Variants in TLCD4 observed in about 807,000 individuals in gnomAD.
TLCD4 encodes TLC domain containing 4.
TLCD4 carries 7 observed loss-of-function variants against 24.2 expected under a neutral mutation model. That is an observed-to-expected ratio of 0.29 (90% CI 0.16 to 0.54). The LOEUF (loss-of-function observed/expected upper bound fraction) is 0.54, where lower values mean the gene tolerates loss of function less well. Among genes scored for constraint, TLCD4 ranks in the 20% least tolerant of loss-of-function variants. The pLI is 0.95. For missense variants in TLCD4, 259 were observed against 313.9 expected, an observed-to-expected ratio of 0.82 and a Z score of 1.32; for synonymous variants, 103 against 106.4, an observed-to-expected ratio of 0.97 and a Z score of 0.20.
At chr1:95,133,665 A>T (rs1676963799) in intron 1 of TLCD4, among the ~76,000 whole-genome samples, 1 of 151,986 alleles carries the variant, frequency 6.6e-6, no homozygotes, top group African/African-American at 2.4e-5. Context: ...TTTTGAAAAG[A>T]ATAGGGACAA....
the TLCD4 span, among the ~76,000 whole-genome samples, chr1:95,094,695 G>A: frequency 2.1e-3 from 324 of 152,214 alleles, 3 homozygotes; most frequent in Non-Finnish European, 1.3e-3. Context: ...AATGAGCTCA[G>A]GTGAAACCAG....
chr1:95,185,800 C>A (rs1212214661), intron 6 of TLCD4, among the ~76,000 whole-genome samples: 1 of 152,094 alleles, frequency 6.6e-6, no homozygotes, highest in African/African-American at 2.4e-5. Context: ...TTCTGGTCAA[C>A]AATCAGGTGT....
At chr1:95,113,162 C>T (rs1016879185), upstream of TLCD4, among the ~76,000 whole-genome samples, 6 of 151,920 alleles carry the variant, frequency 3.9e-5, no homozygotes, top group African/African-American at 1.5e-4. Context: ...CCTGTCTCAG[C>T]CTCCTGAGTA....
chr1:95,133,819 A>G (rs1471053339), intron 1 of TLCD4, among the ~76,000 whole-genome samples: 2 of 151,974 alleles, frequency 1.3e-5, no homozygotes, highest in Admixed American at 6.6e-5. Context: ...TCTGCAACAG[A>G]GCTCTGATTG....
intron 1 of TLCD4, among the ~76,000 whole-genome samples, chr1:95,120,746 A>C (rs1178146716): frequency 6.6e-6 from 1 of 152,208 alleles, no homozygotes; most frequent in Non-Finnish European, 1.5e-5. Flanking sequence ...CAACAGTACA[A>C]AATGCATTTT....
At chr1:95,163,911 C>G (rs1038983069) in intron 5 of TLCD4, 1 of 152,398 alleles carries the variant, frequency 6.6e-6, no homozygotes, top group East Asian at 1.9e-4. Context: ...CAGTCGGCCC[C>G]TACTGGGAGG....
intron 5 of TLCD4, among the ~76,000 whole-genome samples, chr1:95,160,658 T>C (rs559801381): frequency 1.3e-5 from 2 of 152,188 alleles, no homozygotes; most frequent in East Asian, 3.9e-4. Flanking sequence ...ACAGTTTTTA[T>C]TATTTTGAGA....
chr1:95,103,532 G>A, the TLCD4 span, among the ~76,000 whole-genome samples: 2 of 152,204 alleles, frequency 1.3e-5, no homozygotes, highest in Non-Finnish European at 2.9e-5. Flanking sequence ...AAGGATGTCA[G>A]TGAGTTATTT....
upstream of TLCD4, among the ~76,000 whole-genome samples, chr1:95,116,355 TTA>T (rs1425523565): frequency 1.3e-5 from 2 of 152,220 alleles, no homozygotes; most frequent in Non-Finnish European, 2.9e-5. Context: ...CATGGACAGC[TTA>T]TATGAGCTTT....
At chr1:95,177,400 A>G (rs905504806) in intron 6 of TLCD4, among the ~76,000 whole-genome samples, 2 of 152,146 alleles carry the variant, frequency 1.3e-5, no homozygotes, top group Non-Finnish European at 2.9e-5. Flanking sequence ...TCAGAGACAC[A>G]TAAGTTAGAG....
chr1:95,148,045 C>A (rs900675350), intron 2 of TLCD4, among the ~76,000 whole-genome samples: 2 of 152,000 alleles, frequency 1.3e-5, no homozygotes, highest in Non-Finnish European at 2.9e-5. Flanking sequence ...ACAAATTTTC[C>A]GTATACATTT....
intron 1 of TLCD4, among the ~76,000 whole-genome samples, chr1:95,142,109 T>C (rs973477303): frequency 2.7e-5 from 4 of 149,616 alleles, no homozygotes; most frequent in Non-Finnish European, 5.9e-5. Flanking sequence ...ATTTGCTGGA[T>C]ATGAGCAAAT....
At chr1:95,137,700 CTCT>C (rs957086709) in intron 1 of TLCD4, among the ~76,000 whole-genome samples, 1 of 151,680 alleles carries the variant, frequency 6.6e-6, no homozygotes, top group African/African-American at 2.4e-5. Context: ...TTTCCTCCTC[CTCT>C]TCTTTTCTCT....
chr1:95,184,374 A>T (rs536764897), intron 6 of TLCD4, among the ~76,000 whole-genome samples: 7 of 152,110 alleles, frequency 4.6e-5, no homozygotes, highest in Non-Finnish European at 1.0e-4. Context: ...CTGTGCCTGC[A>T]AATAGCCCTC....
chr1:95,169,206 T>A (rs961503815), intron 5 of TLCD4, among the ~76,000 whole-genome samples: 1 of 152,184 alleles, frequency 6.6e-6, no homozygotes, highest in Non-Finnish European at 1.5e-5. Flanking sequence ...CCATTCAGTA[T>A]GTCTTGGATG....
chr1:95,122,633 T>C (rs1267948634), intron 1 of TLCD4, among the ~76,000 whole-genome samples: 3 of 152,220 alleles, frequency 2.0e-5, no homozygotes, highest in African/African-American at 4.8e-5. Flanking sequence ...AACTGCCTTG[T>C]GGTGTCCACC....
intron 3 of TLCD4, among the ~76,000 whole-genome samples, chr1:95,149,515 C>T (rs973953104): frequency 1.2e-4 from 18 of 152,182 alleles, no homozygotes; most frequent in African/African-American, 4.3e-4. Context: ...ACTGCAAGGA[C>T]GTTTTTCTAT....
chr1:95,183,756 T>C (rs2101013101), intron 6 of TLCD4, among the ~76,000 whole-genome samples: 1 of 152,156 alleles, frequency 6.6e-6, no homozygotes, highest in East Asian at 1.9e-4. Flanking sequence ...GAGAATCGCT[T>C]GAATCTGGGA....
Position 95,134,586 on chromosome 1 carries a change from T to A in TLCD4, c.-11-9305T>A, listed in dbSNP as rs146808634. 2.0e-5 allele frequency among the ~76,000 whole-genome samples: 3 copies of A among 152,164 alleles called. No homozygotes were observed. The East Asian group carries it at 5.8e-4, about 29-fold the overall frequency. ...AGTTCCAAGGGACCTAGAGGAAGGTTGTGGGAGGTGGAGAGGGTGATGGGC... is the reference window on the plus strand; with the variant it reads ...AGTTCCAAGGGACCTAGAGGAAGGTAGTGGGAGGTGGAGAGGGTGATGGGC... On this transcript the variant is annotated intron_variant, in intron 1 of 6. Coordinates refer to ENST00000370203, the MANE Select transcript of TLCD4 (RefSeq NM_152487.3).
Sources: allele counts gnomAD v4.1 joint callset (sites outside exome capture counted in the v4.1 genomes callset), GRCh38; gene constraint gnomAD v4.1.1; transcripts MANE v1.5; gene names NCBI Gene and HGNC (gene_info 2026-07-23, HGNC 2026-07-21).